The following RTN1 variants were observed in gnomAD, a reference collection of about 807,000 sequenced individuals.
The protein encoded by RTN1 is reticulon 1, also known as reticulon-1.
RTN1 carries 25 observed loss-of-function variants against 65.5 expected under a neutral mutation model. The ratio of observed to expected loss-of-function variants is 0.38; its 90% CI spans 0.28 to 0.53. The LOEUF (loss-of-function observed/expected upper bound fraction) is 0.53, where lower values mean the gene tolerates loss of function less well. RTN1 is among the 20% of genes least tolerant of loss of function. The pLI is 0.79. For missense variants in RTN1, 983 were observed against 1,025.4 expected (o/e 0.96, Z 0.57); for synonymous variants, 471 against 447.6 (o/e 1.05, Z -0.66).
At position 59,728,423 on chromosome 14, in the gene RTN1, C is replaced by T. The variant is rs12432408; in HGVS notation, c.1016-755G>A. Among the ~76,000 whole-genome samples, 8 of 151,452 alleles carry T rather than the reference C, an allele frequency of 5.3e-5. No homozygotes were observed. In the South Asian group the frequency reaches 1.5e-3, roughly 28 times the overall value. On this transcript the variant is annotated intron_variant, in intron 2 of 8. Transcript: ENST00000267484. ...TTCTTCTCCTCTCTTCACTTCCTCT[C>T]GAGAAGAACAAAACCTGAGAGTCAC...
At chr14:59,610,791 C>T (rs1881924465) in intron 3 of RTN1, among the ~76,000 whole-genome samples, 1 of 152,200 alleles carries the variant, frequency 6.6e-6, no homozygotes, top group African/African-American at 2.4e-5. Context: ...CAGCTGGAGG[C>T]TACAAGATTC....
intron 1 of RTN1, among the ~76,000 whole-genome samples, chr14:59,776,853 G>T (rs768619666): frequency 1.3e-5 from 2 of 152,118 alleles, no homozygotes; most frequent in Non-Finnish European, 2.9e-5. Context: ...CAGAAATAAA[G>T]CAACAATGTA....
At chr14:59,664,606 A>G (rs1470614395) in intron 3 of RTN1, among the ~76,000 whole-genome samples, 1 of 152,164 alleles carries the variant, frequency 6.6e-6, no homozygotes, top group Non-Finnish European at 1.5e-5. Flanking sequence ...ACCTATGCCC[A>G]TGTGTATTAA....
chr14:59,739,995 G>T (rs958429921), intron 2 of RTN1, among the ~76,000 whole-genome samples: 5 of 152,196 alleles, frequency 3.3e-5, no homozygotes, highest in African/African-American at 1.2e-4. Flanking sequence ...CTGGCCTGAT[G>T]CTGCGTTGTT....
At chr14:59,696,698 T>A (rs555695339) in intron 3 of RTN1, among the ~76,000 whole-genome samples, 33 of 152,298 alleles carry the variant, frequency 2.2e-4, no homozygotes, top group Non-Finnish European at 3.8e-4. Context: ...TTGAAGAAGC[T>A]GGAAGCTGCT....
At chr14:59,852,472 A>G (rs1887526900) in intron 1 of RTN1, among the ~76,000 whole-genome samples, 1 of 152,212 alleles carries the variant, frequency 6.6e-6, no homozygotes, top group Non-Finnish European at 1.5e-5. Context: ...ATTTCCTAAT[A>G]ATAATGGTAA....
chr14:59,605,098 A>T (rs1057280952), intron 5 of RTN1: 8 of 299,366 alleles, frequency 2.7e-5, no homozygotes, highest in Non-Finnish European at 6.1e-6. Flanking sequence ...TGTAAAGACT[A>T]TAGAGCTAGA....
chr14:59,750,186 C>CTATAATATATTAT (rs1566713277), intron 1 of RTN1, among the ~76,000 whole-genome samples: 1 of 32,330 alleles, frequency 3.1e-5, no homozygotes, highest in African/African-American at 2.2e-4. Flanking sequence ...ATATATAATA[C>CTATAATATATTAT]ATATATTATA....
At chr14:59,840,466 TG>T (rs1196702415) in intron 1 of RTN1, among the ~76,000 whole-genome samples, 1 of 152,194 alleles carries the variant, frequency 6.6e-6, no homozygotes. Context: ...ATATTCTCTG[TG>T]CCTCAATTTC....
At chr14:59,609,513 C>T (rs541351986) in intron 3 of RTN1, among the ~76,000 whole-genome samples, 1 of 152,202 alleles carries the variant, frequency 6.6e-6, no homozygotes, top group African/African-American at 2.4e-5. Context: ...GAAGACATGA[C>T]CTGCAATAAA....
At chr14:59,750,186 CATATATTATATCTATAATATATAATAT>C (rs1303562439) in intron 1 of RTN1, among the ~76,000 whole-genome samples, 1 of 32,324 alleles carries the variant, frequency 3.1e-5, no homozygotes, top group Non-Finnish European at 4.5e-5. Flanking sequence ...ATATATAATA[CATATATTATATCTATAATATATAATAT>C]ATATATTATA....
At chr14:59,761,278 C>G (rs1421437331) in intron 1 of RTN1, among the ~76,000 whole-genome samples, 1 of 152,170 alleles carries the variant, frequency 6.6e-6, no homozygotes, top group African/African-American at 2.4e-5. Flanking sequence ...ACAATCCCCA[C>G]GTGTCAAGGG....
At chr14:59,658,973 G>A (rs942810509) in intron 3 of RTN1, among the ~76,000 whole-genome samples, 1 of 152,082 alleles carries the variant, frequency 6.6e-6, no homozygotes, top group Non-Finnish European at 1.5e-5. Flanking sequence ...ATGCAAGGAA[G>A]CTAAGAACCG....
At chr14:59,862,668 T>G (rs1335294791) in intron 1 of RTN1, among the ~76,000 whole-genome samples, 1 of 152,198 alleles carries the variant, frequency 6.6e-6, no homozygotes, top group Non-Finnish European at 1.5e-5. Context: ...CTGTTCCCAC[T>G]GGGATCACTG....
intron 3 of RTN1, among the ~76,000 whole-genome samples, chr14:59,663,058 C>T (rs777186154): frequency 7.9e-5 from 12 of 152,036 alleles, no homozygotes; most frequent in Non-Finnish European, 1.2e-4. Context: ...GGTACTGCTA[C>T]CAAAACAGAT....
intron 1 of RTN1, among the ~76,000 whole-genome samples, chr14:59,748,264 T>C (rs915792998): frequency 6.8e-6 from 1 of 147,486 alleles, no homozygotes; most frequent in African/African-American, 2.5e-5. Flanking sequence ...ACAAACGAAC[T>C]TAACTTTTGT....
intron 1 of RTN1, among the ~76,000 whole-genome samples, chr14:59,789,209 T>C (rs1886305187): frequency 6.6e-6 from 1 of 152,082 alleles, no homozygotes; most frequent in Non-Finnish European, 1.5e-5. Flanking sequence ...ATGCAGTATT[T>C]TACATCCTCC....
chr14:59,776,305 T>C (rs1319885336), intron 1 of RTN1, among the ~76,000 whole-genome samples: 1 of 152,068 alleles, frequency 6.6e-6, no homozygotes, highest in African/African-American at 2.4e-5. Flanking sequence ...GAAGGATTAA[T>C]GTTATAGTGG....
chr14:59,793,636 CCACACACACACA>C (rs766243780), intron 1 of RTN1, among the ~76,000 whole-genome samples: 3 of 144,216 alleles, frequency 2.1e-5, no homozygotes, highest in South Asian at 2.2e-4. Flanking sequence ...CAGGCACACA[CCACACACACACA>C]CACACACACA....
Sources: allele counts gnomAD v4.1 joint callset (sites outside exome capture counted in the v4.1 genomes callset), GRCh38; gene constraint gnomAD v4.1.1; transcripts MANE v1.5; gene names NCBI Gene and HGNC (gene_info 2026-07-23, HGNC 2026-07-21).